The following MYO18B variants were observed in gnomAD, a reference collection of about 807,000 sequenced individuals.
MYO18B encodes myosin XVIIIB, also known as unconventional myosin-XVIIIb.
Under a neutral mutation model 273.0 loss-of-function variants are expected in MYO18B, and 204 were observed. The observed-to-expected ratio is 0.75, with a 90% confidence interval of 0.67 to 0.84. MYO18B has a LOEUF of 0.84. Among genes scored for constraint, MYO18B ranks in the 40% least tolerant of loss-of-function variants. MYO18B has a pLI of 0.00. For synonymous variants in MYO18B, 1,330 were observed against 1,305.7 expected (o/e 1.02, Z -0.40); for missense variants, 3,212 against 3,287.6 (o/e 0.98, Z 0.56).
chr22:26,033,769 T>C (rs2147048178), downstream of MYO18B, among the ~76,000 whole-genome samples: 1 of 149,856 alleles, frequency 6.7e-6, no homozygotes, highest in South Asian at 2.1e-4. Flanking sequence ...TTTCTCTCTG[T>C]ATCTTTTTCT....
chr22:25,996,014 C>A (rs1933195558), intron 40 of MYO18B, among the ~76,000 whole-genome samples: 1 of 152,158 alleles, frequency 6.6e-6, no homozygotes, highest in Non-Finnish European at 1.5e-5. Context: ...GTGCCTGTAC[C>A]TGGAAAAGCC....
chr22:25,904,146 A>G (rs572231013), intron 31 of MYO18B, among the ~76,000 whole-genome samples: 9 of 152,312 alleles, frequency 5.9e-5, no homozygotes, highest in African/African-American at 1.9e-4. Context: ...ATCGTATTAG[A>G]TAGTATTTTT....
rs771953226 is a variant in MYO18B, at chr22:25,874,427, G to A, written c.4080+13G>A. On this transcript the variant is annotated intron_variant, in intron 23 of 43. Transcript: ENST00000335473. ...CAAGAAGCTGAAGGTACTGCATGCCGTTCCCATGAGGAGTCTGATCCAACG... is the reference window on the plus strand; with the variant it reads ...CAAGAAGCTGAAGGTACTGCATGCCATTCCCATGAGGAGTCTGATCCAACG... The A allele has an allele frequency of 1.2e-5, 20 of 1,609,018 alleles. No individual in the cohort carries two copies. Among genetic ancestry groups the A allele is most frequent in the South Asian group, 8.8e-5 (8 of 90,452 alleles).
chr22:25,996,894 T>G (rs1174993969), intron 40 of MYO18B, among the ~76,000 whole-genome samples: 1 of 152,180 alleles, frequency 6.6e-6, no homozygotes, highest in Non-Finnish European at 1.5e-5. Flanking sequence ...CGCATCTTCC[T>G]CTTTCCCTTT....
intron 9 of MYO18B, 31 bp downstream of exon 9, chr22:25,780,229 C>T (rs535668008): frequency 1.9e-6 from 3 of 1,583,318 alleles, no homozygotes; most frequent in African/African-American, 2.7e-5. Context: ...TGCAAGGGGG[C>T]CCTTGGGGCT....
At chr22:25,948,450 C>CTTT (rs1569225176) in intron 36 of MYO18B, among the ~76,000 whole-genome samples, 27 of 125,116 alleles carry the variant, frequency 2.2e-4, no homozygotes, top group African/African-American at 8.5e-4. Context: ...TTCCTTCCTT[C>CTTT]CTTCCTTCCT....
chr22:25,760,529 C>G (rs1416256572), intron 1 of MYO18B, among the ~76,000 whole-genome samples: 2 of 151,804 alleles, frequency 1.3e-5, no homozygotes, highest in Non-Finnish European at 2.9e-5. Context: ...TTTGATCAAG[C>G]TACAAGGCTT....
intron 15 of MYO18B, among the ~76,000 whole-genome samples, chr22:25,830,443 T>G (rs1289124905): frequency 6.6e-6 from 1 of 152,130 alleles, no homozygotes; most frequent in Admixed American, 6.5e-5. Context: ...CCAGGATGGT[T>G]CTTGAGCTTG....
intron 33 of MYO18B, among the ~76,000 whole-genome samples, chr22:25,914,686 C>CGTTTTTT (rs2092227604): frequency 2.0e-5 from 1 of 50,824 alleles, no homozygotes; most frequent in Non-Finnish European, 3.4e-5. Context: ...AGTTTTGACT[C>CGTTTTTT]TTTTTTTTTT....
At chr22:25,771,996 C>T (rs942347134) in intron 6 of MYO18B, among the ~76,000 whole-genome samples, 2 of 152,228 alleles carry the variant, frequency 1.3e-5, no homozygotes, top group African/African-American at 2.4e-5. Flanking sequence ...CACACTGGAG[C>T]ATCACCTGTC....
At chr22:25,842,474 A>G (rs947688221) in intron 17 of MYO18B, among the ~76,000 whole-genome samples, 2 of 152,018 alleles carry the variant, frequency 1.3e-5, no homozygotes, top group African/African-American at 4.8e-5. Flanking sequence ...GGAGTTCGAG[A>G]CCAGCCTGGC....
chr22:25,932,395 C>CT (rs201505197), intron 34 of MYO18B, among the ~76,000 whole-genome samples: 1 of 146,888 alleles, frequency 6.8e-6, no homozygotes, highest in Non-Finnish European at 1.5e-5. Flanking sequence ...CTTTTCTTTT[C>CT]TTTTTTCTTT....
chr22:25,767,757 A>C (rs2086559546), intron 3 of MYO18B, among the ~76,000 whole-genome samples: 1 of 152,150 alleles, frequency 6.6e-6, no homozygotes, highest in Non-Finnish European at 1.5e-5. Context: ...ACATTCTCAC[A>C]CCTACCCTGC....
rs140255336 is a variant in MYO18B, at chr22:25,750,480, C to T, written c.-110+8187C>T. On this transcript the variant is annotated intron_variant, in intron 1 of 43. Coordinates refer to ENST00000335473, the MANE Select transcript of MYO18B (RefSeq NM_032608.7). ...ATCCTTTTTTTCCCTCGCTGTCTGG[C>T]CTCCGATATGACCATCACAGAAACC... 1.5e-3 allele frequency among the ~76,000 whole-genome samples: 221 copies of T among 152,200 alleles called. 1 individual carries two copies. The highest frequency in any genetic ancestry group is 2.6e-3 in the Non-Finnish European group (179 of 68,016).
At position 25,937,585 on chromosome 22, in the gene MYO18B, CTT is replaced by C. The variant is rs68167882; in HGVS notation, c.5518-8536_5518-8535del. Reference sequence around the variant, plus strand: ...CCATTGGTGGACCTGGCCTGACATTCTTTTTTTTTTTTTTTTTGAGATGGAGT... The same window carrying C: ...CCATTGGTGGACCTGGCCTGACATTCTTTTTTTTTTTTTTTGAGATGGAGT... On this transcript the variant is annotated intron_variant, in intron 34 of 43. Coordinates refer to ENST00000335473, the MANE Select transcript of MYO18B (RefSeq NM_032608.7). Among the ~76,000 whole-genome samples the C allele has an allele frequency of 3.1e-3, 433 of 140,582 alleles. 7 individuals are homozygous for C. Among genetic ancestry groups the C allele is most frequent in the Non-Finnish European group, 4.3e-3 (277 of 63,938 alleles). 92.2% of individuals were successfully genotyped at this position (140,582 alleles called of 152,430 possible).
intron 39 of MYO18B, chr22:25,964,858 G>A (rs78845954): frequency 0.16 from 24,823 of 152,230 alleles, 2,588 homozygotes; most frequent in Non-Finnish European, 0.23. Context: ...AAGGGGGAAC[G>A]TCAGGAAAGG....
intron 42 of MYO18B, among the ~76,000 whole-genome samples, chr22:26,020,057 G>A (rs759122145): frequency 2.0e-5 from 3 of 152,082 alleles, no homozygotes; most frequent in Non-Finnish European, 4.4e-5. Context: ...TTCAGATCTG[G>A]CCCACCAGGG....
chr22:25,771,088 G>A, intron 6 of MYO18B, 104 bp downstream of exon 6: 1 of 837,638 alleles, frequency 1.2e-6, no homozygotes, highest in East Asian at 2.7e-5. Flanking sequence ...CCTTGTTCCT[G>A]ACTACCAATA....
intron 13 of MYO18B, among the ~76,000 whole-genome samples, chr22:25,825,360 G>A (rs1183317463): frequency 2.0e-5 from 3 of 152,130 alleles, no homozygotes; most frequent in Admixed American, 6.5e-5. Context: ...TGTACAAGCA[G>A]AATTACTCCT....
Sources: allele counts gnomAD v4.1 joint callset (sites outside exome capture counted in the v4.1 genomes callset), GRCh38; gene constraint gnomAD v4.1.1; transcripts MANE v1.5; gene names NCBI Gene and HGNC (gene_info 2026-07-23, HGNC 2026-07-21).